The following PTCH1 variants were observed in gnomAD, a reference collection of about 807,000 sequenced individuals.
PTCH1 encodes the protein protein patched homolog 1.
A neutral mutation model predicts 144.6 loss-of-function variants in PTCH1; 14 were observed. That is an observed-to-expected ratio of 0.10 (90% CI 0.06 to 0.15). PTCH1 has a LOEUF of 0.15. Ranked by LOEUF, PTCH1 falls within the 10% of genes least tolerant of loss-of-function variation. PTCH1 has a pLI of 1.00. For missense variants in PTCH1, 1,623 were observed against 1,948.3 expected, an observed-to-expected ratio of 0.83 and a Z score of 3.14; for synonymous variants, 833 against 793.6, an observed-to-expected ratio of 1.05 and a Z score of -0.83.
At chr9:95,505,075 G>A (rs1843457923) in intron 2 of PTCH1, among the ~76,000 whole-genome samples, 1 of 152,170 alleles carries the variant, frequency 6.6e-6, no homozygotes, top group Non-Finnish European at 1.5e-5. Flanking sequence ...GGAATGTTTT[G>A]TCTTAATTAT....
At chr9:95,489,160 C>G (rs967015174) in intron 2 of PTCH1, among the ~76,000 whole-genome samples, 2 of 152,188 alleles carry the variant, frequency 1.3e-5, no homozygotes, top group South Asian at 4.1e-4. Flanking sequence ...TTTACTGACT[C>G]GTCTGACATT....
intron 20 of PTCH1, chr9:95,453,132 T>C (rs936045560): frequency 5.6e-6 from 2 of 356,344 alleles, no homozygotes; most frequent in African/African-American, 4.2e-5. Flanking sequence ...CCTGAGCTAA[T>C]AACAATATTT....
At chr9:95,498,345 G>GTCT (rs1842925290) in intron 2 of PTCH1, among the ~76,000 whole-genome samples, 1 of 152,170 alleles carries the variant, frequency 6.6e-6, no homozygotes, top group Non-Finnish European at 1.5e-5. Context: ...TTCTGGATTA[G>GTCT]AAATAAGGTC....
At chr9:95,474,191 G>A (rs987089429) in intron 12 of PTCH1, 8 of 383,498 alleles carry the variant, frequency 2.1e-5, no homozygotes, top group Admixed American at 1.5e-4. Context: ...AAAAGAAGGA[G>A]TATGAGCAGA....
At chr9:95,492,614 A>G (rs899437615) in intron 2 of PTCH1, among the ~76,000 whole-genome samples, 1 of 151,994 alleles carries the variant, frequency 6.6e-6, no homozygotes, top group African/African-American at 2.4e-5. Context: ...CTTTCTCATC[A>G]TGCTTATGTG....
intron 16 of PTCH1, among the ~76,000 whole-genome samples, chr9:95,461,431 A>G (rs1441863418): frequency 6.6e-6 from 1 of 152,004 alleles, no homozygotes; most frequent in East Asian, 1.9e-4. Context: ...CCACCCACCT[A>G]CCCCAAATTC....
intron 23 of PTCH1, 117 bp from the exon 24 acceptor site, chr9:95,446,508 G>A (rs180910391): frequency 1.7e-5 from 8 of 474,382 alleles, no homozygotes; most frequent in South Asian, 1.1e-4. Flanking sequence ...AGAGTGGGGT[G>A]TGGGCCTGAG....
intron 1 of PTCH1, 95 bp downstream of exon 1, chr9:95,508,066 A>G (rs1843869696): frequency 6.4e-6 from 10 of 1,573,962 alleles, no homozygotes; most frequent in East Asian, 4.6e-5. Flanking sequence ...TGTGAGAGAG[A>G]GAGGAAGAGA....
In PTCH1 at chr9:95,482,051, T is replaced by G; in HGVS notation, c.655-11A>C. The G allele has an allele frequency of 6.2e-7, 1 of 1,612,844 alleles. No individual in the cohort carries two copies. Among genetic ancestry groups the G allele is most frequent in the South Asian group, 1.1e-5 (1 of 91,044 alleles). Reference sequence around the variant, plus strand: ...AAGATATTCTATTATCTGTCAAAGTTAAAAAGAAGAGGCCATGCGTTAGGT... The same window carrying G: ...AAGATATTCTATTATCTGTCAAAGTGAAAAAGAAGAGGCCATGCGTTAGGT... On this transcript the variant is annotated splice_polypyrimidine_tract_variant and intron_variant, in intron 4 of 23. Transcript: ENST00000331920.
intron 16 of PTCH1, among the ~76,000 whole-genome samples, chr9:95,461,094 G>C (rs1564023343): frequency 6.6e-6 from 1 of 152,128 alleles, no homozygotes; most frequent in Non-Finnish European, 1.5e-5. Context: ...AAGAGGCTCC[G>C]AGGAAGCTGA....
chr9:95,479,395 T>C (rs1443152575), intron 7 of PTCH1, among the ~76,000 whole-genome samples: 2 of 152,214 alleles, frequency 1.3e-5, no homozygotes, highest in East Asian at 3.8e-4. Flanking sequence ...GGCAATTTCC[T>C]TTCACAGTTT....
In PTCH1 at chr9:95,454,419, C is replaced by T. The variant is rs752621132; in HGVS notation, c.3307-799G>A. Among the ~76,000 whole-genome samples the T allele has an allele frequency of 2.0e-5, 3 of 152,174 alleles. No individual in the cohort carries two copies. In the South Asian group the frequency reaches 6.2e-4, roughly 32 times the overall value. ...TGGCAGGATGCGTTTCTATCCCTTACCTACCTGCAGAAGGACTGAGACGGT... is the reference window on the plus strand; with the variant it reads ...TGGCAGGATGCGTTTCTATCCCTTATCTACCTGCAGAAGGACTGAGACGGT... On this transcript the variant is annotated intron_variant, in intron 19 of 23. Transcript: ENST00000331920.
rs1840128102 is a variant in PTCH1 at position 95,467,547 on chromosome 9, G to C, written c.2251-122C>G. On this transcript the variant is annotated intron_variant, in intron 14 of 23. Coordinates refer to ENST00000331920, the MANE Select transcript of PTCH1 (RefSeq NM_000264.5). The stretch of plus-strand genomic sequence containing the variant: ...CACACTTAAACTGATTTATCTTGTA[G>C]GGGTTGTTCTCCCATAGGAAAAAGG... 7.3e-6 allele frequency: 7 copies of C among 957,096 alleles called. No homozygotes were observed. In the South Asian group the frequency reaches 8.5e-5, roughly 12 times the overall value. 59.3% of individuals were successfully genotyped at this position (957,096 alleles called of 1,614,324 possible).
intron 2 of PTCH1, among the ~76,000 whole-genome samples, chr9:95,490,415 G>T (rs1306056876): frequency 6.6e-6 from 1 of 151,750 alleles, no homozygotes; most frequent in Non-Finnish European, 1.5e-5. Context: ...CAGGAGTTGG[G>T]GGGTGCAGTG....
Position 95,468,884 on chromosome 9 carries a change from C to T in PTCH1, c.2117G>A (p.Ser706Asn), listed in dbSNP as rs140497736. ...TLSCQSPEST[S>N]STRDLLSQFS... Reference sequence around the variant, plus strand: ...CTGGGAGAGCAGGTCCCTTGTGGAGCTGGTGCTCTCTGGGCTCTGGCAGCT... The same window carrying T: ...CTGGGAGAGCAGGTCCCTTGTGGAGTTGGTGCTCTCTGGGCTCTGGCAGCT... Residue 706 changes from serine (S) to asparagine (N), a missense_variant, in exon 14 of 24, where the codon AGC becomes AAC. Physicochemically the swap from Ser to Asn is conservative, Grantham distance 46. This residue lies in a region of PTCH1 where 179 missense variants were observed against 165.7 expected (regional missense o/e 1.08). Coordinates refer to ENST00000331920, the MANE Select transcript of PTCH1 (RefSeq NM_000264.5). 6.2e-7 allele frequency: 1 copy of T among 1,614,124 alleles called. No individual in the cohort carries two copies. The highest frequency in any genetic ancestry group is 8.5e-7 in the Non-Finnish European group (1 of 1,180,026).
chr9:95,502,061 A>G (rs1385105914), intron 2 of PTCH1, among the ~76,000 whole-genome samples: 1 of 152,086 alleles, frequency 6.6e-6, no homozygotes, highest in Non-Finnish European at 1.5e-5. Flanking sequence ...CCCAGCTTCC[A>G]GGCTCCCACC....
intron 2 of PTCH1, among the ~76,000 whole-genome samples, chr9:95,498,604 G>A (rs1268786910): frequency 1.3e-5 from 2 of 151,970 alleles, no homozygotes; most frequent in Non-Finnish European, 2.9e-5. Context: ...TCTGCTGTAC[G>A]GAAGGCATTA....
At position 95,476,972 on chromosome 9, in the gene PTCH1, G is replaced by A. The variant is rs1054281118; in HGVS notation, c.1504-115C>T. The A allele has an allele frequency of 3.1e-5, 29 of 940,862 alleles. No individual in the cohort carries two copies. The highest frequency in any genetic ancestry group is 4.1e-4 in the Middle Eastern group (2 of 4,838). The allele number at this position is 940,862 out of a possible 1,614,324, so 58.3% of individuals were successfully genotyped here. A position where few individuals can be genotyped will look rare whatever the true frequency, so the allele number is the denominator to read the frequency against. On this transcript the variant is annotated intron_variant, in intron 10 of 23. Transcript: ENST00000331920. This position sits in a 1 kb window ranked among gnomAD's most constrained non-coding sequence, Gnocchi z 4.6. ...TAACAGCTCCTGAAGCAGGGCTTCC[G>A]TAACCTCATGGTGAAGAATTCACTT...
intron 18 of PTCH1, among the ~76,000 whole-genome samples, chr9:95,456,805 A>G (rs1246779004): frequency 6.6e-6 from 1 of 152,178 alleles, no homozygotes; most frequent in Non-Finnish European, 1.5e-5. Flanking sequence ...CTTGGGTCTC[A>G]GCCGCCAGAG....
Sources: gnomAD v4.1 joint callset for allele counts (sites outside exome capture counted in the v4.1 genomes callset) on GRCh38, gnomAD v4.1.1 for gene constraint, gnomAD v4.1.1 regional missense constraint, Gnocchi (gnomAD v3.1) non-coding constraint, MANE v1.5 for transcripts, NCBI Gene and HGNC (gene_info 2026-07-23, HGNC 2026-07-21) for gene names.